Variants in PRELID2 observed in about 807,000 individuals in gnomAD.
The protein encoded by PRELID2 is PRELI domain-containing protein 2.
In PRELID2, 25 loss-of-function variants were observed where a neutral mutation model predicts 28.4. That is an observed-to-expected ratio of 0.88 (90% CI 0.64 to 1.23). The LOEUF (loss-of-function observed/expected upper bound fraction) is 1.23. Among genes scored for constraint, PRELID2 ranks in the 50% most tolerant of loss-of-function variants. The pLI is 0.00. For synonymous variants in PRELID2, 76 were observed against 71.6 expected (o/e 1.06, Z -0.31); for missense variants, 201 against 214.4 (o/e 0.94, Z 0.39).
chr5:145,581,858 C>T (rs1753110467), intron 1 of PRELID2, among the ~76,000 whole-genome samples: 1 of 152,076 alleles, frequency 6.6e-6, no homozygotes, highest in South Asian at 2.1e-4. Flanking sequence ...GTCATTATTT[C>T]AAACAGTAAA....
chr5:145,642,213 G>A (rs1754119020), intron 1 of PRELID2, among the ~76,000 whole-genome samples: 1 of 152,168 alleles, frequency 6.6e-6, no homozygotes, highest in South Asian at 2.1e-4. Context: ...CATTCTAACT[G>A]GCGTGAGATG....
the PRELID2 span, among the ~76,000 whole-genome samples, chr5:145,420,420 T>G: frequency 6.6e-6 from 1 of 151,248 alleles, no homozygotes; most frequent in Non-Finnish European, 1.5e-5. Context: ...AGCAGTGGTT[T>G]GTAGTTCTCC....
intron 4 of PRELID2, 33 bp downstream of exon 4, chr5:145,817,861 C>A (rs1404963136): frequency 1.4e-6 from 2 of 1,476,550 alleles, no homozygotes; most frequent in East Asian, 2.5e-5. Context: ...TCCCTGCAAC[C>A]AAAACACACA....
chr5:145,282,255 T>C, the PRELID2 span, among the ~76,000 whole-genome samples: 2 of 152,308 alleles, frequency 1.3e-5, no homozygotes, highest in East Asian at 3.9e-4. Flanking sequence ...ATACCAAGTA[T>C]AGAGTAAATG....
intron 1 of PRELID2, among the ~76,000 whole-genome samples, chr5:145,512,307 C>T (rs896264322): frequency 6.6e-6 from 1 of 152,140 alleles, no homozygotes; most frequent in African/African-American, 2.4e-5. Flanking sequence ...AGAGTGAGAG[C>T]CAAAGCAGGG....
chr5:145,785,039 A>C (rs1250786521), intron 5 of PRELID2, among the ~76,000 whole-genome samples: 1 of 152,144 alleles, frequency 6.6e-6, no homozygotes, highest in African/African-American at 2.4e-5. Flanking sequence ...TATATCTAAA[A>C]TGTTTGTATT....
chr5:145,530,801 A>G (rs1232406898), intron 1 of PRELID2, among the ~76,000 whole-genome samples: 1 of 152,024 alleles, frequency 6.6e-6, no homozygotes, highest in Non-Finnish European at 1.5e-5. Flanking sequence ...GGGGCAGGAG[A>G]GCAGCTGTAA....
the PRELID2 span, among the ~76,000 whole-genome samples, chr5:145,301,352 A>G: frequency 6.6e-6 from 1 of 152,142 alleles, no homozygotes; most frequent in Non-Finnish European, 1.5e-5. Context: ...CAAGACATTT[A>G]CCCATTTTTA....
rs1277884148 is a variant in PRELID2, at chr5:145,742,166, TTTA to T, written n.70+22762_70+22764del. On this transcript the variant is annotated intron_variant and non_coding_transcript_variant, in intron 1 of 2. Coordinates refer to the PRELID2 transcript ENST00000510259. ...AATTTATTTATTTATTATAAATTTA[TTTA>T]TTAATTATAAATTTATATATAAATA... is the stretch of plus-strand genomic sequence containing the variant. Among the ~76,000 whole-genome samples the T allele has an allele frequency of 3.7e-3, 425 of 116,258 alleles. 1 individual carries two copies. Among genetic ancestry groups the T allele is most frequent in the Non-Finnish European group, 5.5e-3 (331 of 60,228 alleles). The allele number at this position is 116,258 out of a possible 152,430, so 76.3% of individuals were successfully genotyped here. A position where few individuals can be genotyped will look rare whatever the true frequency, so the allele number is the denominator to read the frequency against.
intron 1 of PRELID2, among the ~76,000 whole-genome samples, chr5:145,571,643 A>T (rs558408177): frequency 6.6e-6 from 1 of 152,274 alleles, no homozygotes; most frequent in African/African-American, 2.4e-5. Flanking sequence ...GAGAGAATTA[A>T]CTAAGAGTCT....
At chr5:145,693,243 G>T (rs918711267) in intron 1 of PRELID2, among the ~76,000 whole-genome samples, 1 of 151,566 alleles carries the variant, frequency 6.6e-6, no homozygotes, top group African/African-American at 2.4e-5. Context: ...TGCCTCCTGG[G>T]CTTAAGTGAT....
rs147069220 is a variant in PRELID2, at chr5:145,490,520, T to C, written n.71-17205A>G. On this transcript the variant is annotated intron_variant and non_coding_transcript_variant, in intron 1 of 2. Coordinates refer to the PRELID2 transcript ENST00000510259. Reference sequence around the variant, plus strand: ...AAGAAAAGAACCACTACTTGGAATATGTAGTAACAGTAATCAGTTAAGTAT... The same window carrying C: ...AAGAAAAGAACCACTACTTGGAATACGTAGTAACAGTAATCAGTTAAGTAT... 4.7e-4 allele frequency among the ~76,000 whole-genome samples: 72 copies of C among 152,306 alleles called. No individual in the cohort carries two copies. In the East Asian group the frequency reaches 0.012, roughly 26 times the overall value.
At chr5:145,720,544 AT>A (rs1755960496) in intron 1 of PRELID2, among the ~76,000 whole-genome samples, 1 of 152,026 alleles carries the variant, frequency 6.6e-6, no homozygotes, top group Non-Finnish European at 1.5e-5. Context: ...AGATAAATAA[AT>A]AAAAACTAGT....
the PRELID2 span, among the ~76,000 whole-genome samples, chr5:145,346,806 A>C: frequency 6.6e-6 from 1 of 152,168 alleles, no homozygotes; most frequent in Non-Finnish European, 1.5e-5. Flanking sequence ...CTGGACTTGC[A>C]CTTCCTATGT....
chr5:145,825,868 G>T, intron 1 of PRELID2: 1 of 211,284 alleles, frequency 4.7e-6, no homozygotes, highest in Non-Finnish European at 8.2e-6. Flanking sequence ...GGCATTACTT[G>T]AAATGATCTG....
At chr5:145,775,486 G>GA (rs993223861) in intron 5 of PRELID2, among the ~76,000 whole-genome samples, 5 of 152,056 alleles carry the variant, frequency 3.3e-5, no homozygotes, top group African/African-American at 1.2e-4. Flanking sequence ...ATTGCCATAA[G>GA]AAAAAAAGCA....
At chr5:145,736,090 A>T (rs2149731198) in intron 1 of PRELID2, among the ~76,000 whole-genome samples, 1 of 152,308 alleles carries the variant, frequency 6.6e-6, no homozygotes, top group South Asian at 2.1e-4. Context: ...GACAAATTAA[A>T]GTCTGGGCAG....
At chr5:145,721,410 CA>C (rs1755986811) in intron 1 of PRELID2, among the ~76,000 whole-genome samples, 2 of 152,064 alleles carry the variant, frequency 1.3e-5, no homozygotes, top group Non-Finnish European at 2.9e-5. Context: ...GGCTAACCAG[CA>C]GACAAGGGAA....
At chr5:145,566,637 C>T (rs1207580116) in intron 1 of PRELID2, among the ~76,000 whole-genome samples, 3 of 151,974 alleles carry the variant, frequency 2.0e-5, no homozygotes, top group East Asian at 1.9e-4. Context: ...GTCATGAGTT[C>T]GAGACCAGCC....
Sources: gnomAD v4.1 joint callset for allele counts (sites outside exome capture counted in the v4.1 genomes callset) on GRCh38, gnomAD v4.1.1 for gene constraint, MANE v1.5 for transcripts, NCBI Gene and HGNC (gene_info 2026-07-23, HGNC 2026-07-21) for gene names.